The following SRSF11 variants were observed in gnomAD, a reference collection of about 807,000 sequenced individuals.
SRSF11 encodes serine/arginine-rich splicing factor 11.
SRSF11 carries 9 observed loss-of-function variants against 56.0 expected under a neutral mutation model. The observed-to-expected ratio is 0.16, with a 90% CI of 0.10 to 0.28. The LOEUF is 0.28. Among genes scored for constraint, SRSF11 ranks in the 10% least tolerant of loss-of-function variants. The probability of loss-of-function intolerance (pLI) is 1.00; values close to 1 mark genes in which losing one functional copy is unlikely to be tolerated. For missense variants in SRSF11, 421 were observed against 600.7 expected (o/e 0.70, Z 3.13); for synonymous variants, 222 against 215.3 (o/e 1.03, Z -0.27).
intron 2 of SRSF11, chr1:70,232,039 A>G (rs1390821485): frequency 2.6e-6 from 4 of 1,522,796 alleles, no homozygotes; most frequent in Admixed American, 4.3e-5. Flanking sequence ...TTTTTACTCT[A>G]GAAACTTAAC....
Position 70,250,665 on chromosome 1 carries a change from AAAG to A in SRSF11, c.1320_1322del (p.Glu441del), listed in dbSNP as rs1428529989. The A allele has an allele frequency of 6.2e-6, 10 of 1,614,026 alleles. No homozygotes were observed. Among genetic ancestry groups the A allele is most frequent in the Middle Eastern group, 1.7e-4 (1 of 6,058 alleles). On this transcript the variant is annotated inframe_deletion, in exon 12 of 12. Coordinates refer to ENST00000370949, the MANE Select transcript of SRSF11 (RefSeq NM_001350605.2). ...GGGGTATGACAGTGAGAAAGAGAAA[AAAG>A]AAGAGAAGAAACCAATAGAAACAGG... is the stretch of plus-strand genomic sequence containing the variant.
intron 8 of SRSF11, among the ~76,000 whole-genome samples, chr1:70,246,382 A>G (rs1429031778): frequency 2.0e-5 from 3 of 152,166 alleles, no homozygotes; most frequent in South Asian, 2.1e-4. Flanking sequence ...AGAGGTTGAC[A>G]TGGGATGTGT....
intron 1 of SRSF11, among the ~76,000 whole-genome samples, chr1:70,214,715 G>A (rs997817891): frequency 2.6e-5 from 4 of 152,052 alleles, no homozygotes; most frequent in Non-Finnish European, 5.9e-5. Context: ...GTCCCCTAGT[G>A]CTAACTCATC....
chr1:70,205,851 T>C, intron 1 of SRSF11: 1 of 230,550 alleles, frequency 4.3e-6, no homozygotes, highest in Non-Finnish European at 8.4e-6. Flanking sequence ...GACTCCAACC[T>C]TCTCCTCTGT....
intron 7 of SRSF11, among the ~76,000 whole-genome samples, chr1:70,244,402 T>G (rs1021793297): frequency 1.3e-5 from 2 of 152,180 alleles, no homozygotes; most frequent in Non-Finnish European, 1.5e-5. Context: ...TCTAGTAGTA[T>G]TTTTAACCTT....
chr1:70,207,109 C>G (rs2100404589), intron 1 of SRSF11, among the ~76,000 whole-genome samples: 1 of 152,026 alleles, frequency 6.6e-6, no homozygotes, highest in South Asian at 2.1e-4. Context: ...TCAGGCTGGT[C>G]TCGAACTCCC....
At chr1:70,209,850 T>G (rs1385871998) in intron 1 of SRSF11, among the ~76,000 whole-genome samples, 2 of 136,924 alleles carry the variant, frequency 1.5e-5, no homozygotes, top group Admixed American at 8.1e-5. Context: ...CCACCTGCCC[T>G]GGCCTCCCAA....
At chr1:70,214,451 C>T (rs2100509354) in intron 1 of SRSF11, among the ~76,000 whole-genome samples, 2 of 152,178 alleles carry the variant, frequency 1.3e-5, no homozygotes, top group South Asian at 4.1e-4. Flanking sequence ...AATCTTAATG[C>T]TCTGACTACT....
intron 2 of SRSF11, chr1:70,230,322 G>A (rs1672601723): frequency 1.2e-5 from 13 of 1,043,166 alleles, no homozygotes; most frequent in African/African-American, 1.7e-5. Flanking sequence ...GTTACCTCCA[G>A]TAAATACAAT....
At chr1:70,231,763 G>T in intron 2 of SRSF11, 1 of 1,267,174 alleles carries the variant, frequency 7.9e-7, no homozygotes, top group Non-Finnish European at 1.0e-6. Context: ...TGTATGGTAG[G>T]TGTAAAAGAA....
chr1:70,228,620 G>C, intron 2 of SRSF11, 65 bp downstream of exon 2: 1 of 1,541,810 alleles, frequency 6.5e-7, no homozygotes, highest in Non-Finnish European at 8.7e-7. Context: ...AGTAGATGTA[G>C]AGTGAGCATT....
upstream of SRSF11, chr1:70,218,612 T>G (rs1224097826): frequency 6.6e-6 from 1 of 152,214 alleles, no homozygotes; most frequent in Non-Finnish European, 1.5e-5. Context: ...AGTGTTAACA[T>G]TTCAGGAAAA....
At chr1:70,227,220 C>G (rs1671980048) in intron 1 of SRSF11, among the ~76,000 whole-genome samples, 1 of 151,996 alleles carries the variant, frequency 6.6e-6, no homozygotes, top group Admixed American at 6.6e-5. Context: ...TTAGTATAAC[C>G]AAATCTGATG....
At chr1:70,208,299 G>A (rs1669235111) in intron 1 of SRSF11, among the ~76,000 whole-genome samples, 1 of 151,904 alleles carries the variant, frequency 6.6e-6, no homozygotes, top group Admixed American at 6.6e-5. Flanking sequence ...ATATAAGAAT[G>A]TACTAGTTAC....
chr1:70,237,570 A>C lies in SRSF11; in HGVS notation c.718+18A>C, dbSNP rs149050962. 23 of 1,606,418 alleles carry C rather than the reference A, an allele frequency of 1.4e-5. No homozygotes were observed. In the East Asian group the frequency reaches 4.2e-4, roughly 30 times the overall value. The stretch of plus-strand genomic sequence containing the variant: ...AGAACCAGGTAAACAATGTTTATGC[A>C]ATTTTGTTGTGTGATTCTTAGCAAA... On this transcript the variant is annotated intron_variant, in intron 6 of 11. Coordinates refer to ENST00000370949, the MANE Select transcript of SRSF11 (RefSeq NM_001350605.2).
intron 1 of SRSF11, among the ~76,000 whole-genome samples, chr1:70,224,178 T>G (rs913422085): frequency 6.6e-6 from 1 of 152,146 alleles, no homozygotes. Flanking sequence ...CTGCATCATG[T>G]TATATAAGAG....
At chr1:70,249,672 C>T in intron 9 of SRSF11, 1 of 287,078 alleles carries the variant, frequency 3.5e-6, no homozygotes, top group Non-Finnish European at 6.6e-6. Flanking sequence ...ATCTTCCTGC[C>T]TCTGCCTCCT....
At chr1:70,224,077 A>G (rs74088016) in intron 1 of SRSF11, among the ~76,000 whole-genome samples, 13,967 of 152,186 alleles carry the variant, frequency 0.092, 804 homozygotes, top group East Asian at 0.3. Context: ...TGTATTAGGT[A>G]TTATAAGTAA....
chr1:70,238,792 A>C (rs904175484), intron 6 of SRSF11, among the ~76,000 whole-genome samples: 3 of 152,226 alleles, frequency 2.0e-5, no homozygotes, highest in African/African-American at 7.2e-5. Context: ...TCAGAGCCAG[A>C]GAATGAGAAA....
Sources: allele counts gnomAD v4.1 joint callset (sites outside exome capture counted in the v4.1 genomes callset), GRCh38; gene constraint gnomAD v4.1.1; transcripts MANE v1.5; gene names NCBI Gene and HGNC (gene_info 2026-07-23, HGNC 2026-07-21).